Variants in FIG4 observed in about 807,000 individuals in gnomAD.
FIG4 encodes polyphosphoinositide phosphatase.
In FIG4, 112 loss-of-function variants were observed where a neutral mutation model predicts 118.6. That is an observed-to-expected ratio of 0.94 (90% confidence interval 0.81 to 1.11). The LOEUF (loss-of-function observed/expected upper bound fraction) is 1.11. Ranked by LOEUF, FIG4 falls within the 50% of genes least tolerant of loss-of-function variation. The probability of loss-of-function intolerance (pLI) is 0.00; values close to 1 mark genes in which losing one functional copy is unlikely to be tolerated. For missense variants in FIG4, 969 were observed against 1,111.7 expected, an observed-to-expected ratio of 0.87 and a Z score of 1.83; for synonymous variants, 369 against 381.2, an observed-to-expected ratio of 0.97 and a Z score of 0.37.
At chr6:109,773,260 T>G (rs1777519403) in intron 15 of FIG4, among the ~76,000 whole-genome samples, 1 of 152,218 alleles carries the variant, frequency 6.6e-6, no homozygotes, top group Non-Finnish European at 1.5e-5. Flanking sequence ...TTGCAGTTGA[T>G]GATGAGTAAC....
chr6:109,788,615 C>T (rs1041965482), intron 18 of FIG4, among the ~76,000 whole-genome samples: 1 of 152,190 alleles, frequency 6.6e-6, no homozygotes, highest in African/African-American at 2.4e-5. Flanking sequence ...GTTACAGATA[C>T]ACCTTAGTGA....
intron 11 of FIG4, among the ~76,000 whole-genome samples, chr6:109,760,679 A>AGTG (rs1298162181): frequency 6.6e-6 from 1 of 152,152 alleles, no homozygotes; most frequent in African/African-American, 2.4e-5. Flanking sequence ...TCACTATTTA[A>AGTG]ACACTTTCTC....
At chr6:109,796,898 C>T (rs1309243039) in intron 22 of FIG4, 47 bp downstream of exon 22, 1 of 1,056,456 alleles carries the variant, frequency 9.5e-7, no homozygotes, top group Non-Finnish European at 1.5e-6. Flanking sequence ...ATTCATGCCA[C>T]TCATAGGGCT....
At chr6:109,807,551 G>C (rs905937443) in intron 22 of FIG4, among the ~76,000 whole-genome samples, 3 of 152,150 alleles carry the variant, frequency 2.0e-5, no homozygotes, top group Non-Finnish European at 2.9e-5. Flanking sequence ...CTCCCATTCT[G>C]TAGGTTGCCT....
At chr6:109,750,272 T>C (rs1583680236) in intron 10 of FIG4, among the ~76,000 whole-genome samples, 1 of 152,300 alleles carries the variant, frequency 6.6e-6, no homozygotes, top group Non-Finnish European at 1.5e-5. Context: ...TAGGATCAAG[T>C]ATAACTGTAC....
intron 1 of FIG4, among the ~76,000 whole-genome samples, chr6:109,706,655 A>C (rs1775075599): frequency 6.6e-6 from 1 of 152,228 alleles, no homozygotes; most frequent in South Asian, 2.1e-4. Context: ...GAAGGACAGA[A>C]AAGGAACTAA....
At chr6:109,788,429 G>T (rs1340751811) in intron 18 of FIG4, among the ~76,000 whole-genome samples, 1 of 152,208 alleles carries the variant, frequency 6.6e-6, no homozygotes. Context: ...AAAACATGGT[G>T]TCAAATAGAC....
At chr6:109,707,802 T>G (rs753086290) in intron 1 of FIG4, among the ~76,000 whole-genome samples, 1 of 151,872 alleles carries the variant, frequency 6.6e-6, no homozygotes, top group Non-Finnish European at 1.5e-5. Context: ...GTTTTCTCAA[T>G]TTTTGCAATG....
chr6:109,752,343 G>T (rs1776734949), intron 10 of FIG4, among the ~76,000 whole-genome samples: 1 of 150,814 alleles, frequency 6.6e-6, no homozygotes, highest in Non-Finnish European at 1.5e-5. Flanking sequence ...TAGTCCTTTG[G>T]GTATATACCC....
At chr6:109,823,584 C>A (rs1267936010) in intron 22 of FIG4, among the ~76,000 whole-genome samples, 2 of 152,066 alleles carry the variant, frequency 1.3e-5, no homozygotes, top group African/African-American at 4.8e-5. Context: ...TGTACAACTT[C>A]CATCTTCCTT....
In FIG4 at chr6:109,796,772, C is replaced by T. The variant is rs745790694; in HGVS notation, c.2467C>T (p.Gln823Ter). Residue 823 changes from glutamine to a stop codon, truncating the protein, a stop_gained, in exon 22 of 23, where the codon CAG becomes TAG. Transcript: ENST00000230124. LOFTEE classifies it high-confidence loss of function. ...ATCCATTGTAATTTGTAGATTTGTT[C>T]AGCTGGGGCAGAGTCAACATAAACA... ...EDFSIYSRFVQLGQSQHKQDK... is the reference protein window; with the variant it reads ...EDFSIYSRFV 2.7e-5 allele frequency: 43 copies of T among 1,603,914 alleles called. No individual in the cohort carries two copies. Among genetic ancestry groups the T allele is most frequent in the Non-Finnish European group, 3.5e-5 (41 of 1,170,828 alleles).
At chr6:109,824,749 C>A (rs565319485) in intron 22 of FIG4, among the ~76,000 whole-genome samples, 1 of 152,242 alleles carries the variant, frequency 6.6e-6, no homozygotes, top group South Asian at 2.1e-4. Context: ...GGAAAAAGAG[C>A]AAAAAGTCTA....
chr6:109,751,464 G>A (rs1776693119), intron 10 of FIG4, among the ~76,000 whole-genome samples: 2 of 152,118 alleles, frequency 1.3e-5, no homozygotes, highest in Admixed American at 6.5e-5. Context: ...TTTTTCTGTT[G>A]TTTGGAATAG....
chr6:109,790,807 T>C (rs943985510), intron 19 of FIG4, among the ~76,000 whole-genome samples: 9 of 149,340 alleles, frequency 6.0e-5, no homozygotes, highest in African/African-American at 2.2e-4. Flanking sequence ...AAGTGTAGGG[T>C]TTTCCCCCCT....
At chr6:109,819,780 A>C (rs558488079) in intron 22 of FIG4, among the ~76,000 whole-genome samples, 1 of 152,254 alleles carries the variant, frequency 6.6e-6, no homozygotes, top group South Asian at 2.1e-4. Context: ...ATTGTTAACA[A>C]TAGTTCACCT....
chr6:109,798,096 G>T (rs751369357), intron 22 of FIG4, among the ~76,000 whole-genome samples: 7 of 152,108 alleles, frequency 4.6e-5, no homozygotes, highest in Non-Finnish European at 5.9e-5. Context: ...TCTCACATCT[G>T]CAGGTTCTTA....
At chr6:109,715,622 A>G (rs547430905) in intron 2 of FIG4, among the ~76,000 whole-genome samples, 5 of 152,280 alleles carry the variant, frequency 3.3e-5, no homozygotes, top group East Asian at 1.9e-4. Flanking sequence ...TTTGCTATAC[A>G]CTAAGGAAAT....
intron 22 of FIG4, among the ~76,000 whole-genome samples, chr6:109,812,043 T>TC (rs1171258502): frequency 6.6e-6 from 1 of 152,130 alleles, no homozygotes; most frequent in Non-Finnish European, 1.5e-5. Context: ...GGATGGTTTT[T>TC]CCCCATGCTG....
At chr6:109,692,386 T>C (rs1430327995) in intron 1 of FIG4, among the ~76,000 whole-genome samples, 1 of 152,242 alleles carries the variant, frequency 6.6e-6, no homozygotes, top group Non-Finnish European at 1.5e-5. Flanking sequence ...ACTGTTTCTC[T>C]GAAACTTGGG....
Sources: gnomAD v4.1 joint callset for allele counts (sites outside exome capture counted in the v4.1 genomes callset) on GRCh38, gnomAD v4.1.1 for gene constraint, MANE v1.5 for transcripts, NCBI Gene and HGNC (gene_info 2026-07-23, HGNC 2026-07-21) for gene names.